Variants in DYM observed in about 807,000 individuals in gnomAD.
DYM encodes dyggve-Melchior-Clausen syndrome protein.
Under a neutral mutation model 93.1 loss-of-function variants are expected in DYM, and 78 were observed. The ratio of observed to expected loss-of-function variants is 0.84; its 90% confidence interval spans 0.70 to 1.01. The LOEUF (loss-of-function observed/expected upper bound fraction) is 1.01. DYM is among the 50% of genes least tolerant of loss of function. The pLI is 0.00. For missense variants in DYM, 789 were observed against 845.0 expected, an observed-to-expected ratio of 0.93 and a Z score of 0.82; for synonymous variants, 321 against 319.7, an observed-to-expected ratio of 1.00 and a Z score of -0.04.
At chr18:49,357,478 A>G (rs2065661100) in intron 6 of DYM, among the ~76,000 whole-genome samples, 1 of 152,184 alleles carries the variant, frequency 6.6e-6, no homozygotes, top group South Asian at 2.1e-4. Context: ...TCAGTGTTTC[A>G]GCTTCCAGTA....
At chr18:49,407,213 G>A (rs550763798) in intron 2 of DYM, among the ~76,000 whole-genome samples, 1 of 152,282 alleles carries the variant, frequency 6.6e-6, no homozygotes, top group South Asian at 2.1e-4. Context: ...AGGAGAGGAT[G>A]GGTGTGGCTA....
intron 16 of DYM, chr18:49,114,716 G>T: frequency 3.3e-6 from 1 of 301,008 alleles, no homozygotes; most frequent in Non-Finnish European, 4.9e-6. Flanking sequence ...GAATTTCTGG[G>T]CTCAAGAGAT....
At chr18:49,335,065 C>T (rs1388637253) in intron 6 of DYM, among the ~76,000 whole-genome samples, 1 of 152,106 alleles carries the variant, frequency 6.6e-6, no homozygotes, top group African/African-American at 2.4e-5. Context: ...CAAGATCGTG[C>T]CATTGCACTC....
intron 11 of DYM, among the ~76,000 whole-genome samples, chr18:49,267,668 T>G (rs1016295005): frequency 6.6e-6 from 1 of 152,136 alleles, no homozygotes; most frequent in Admixed American, 6.6e-5. Flanking sequence ...CCAAGGCGGC[T>G]GGATCACTCG....
intron 16 of DYM, among the ~76,000 whole-genome samples, chr18:49,104,164 C>T (rs1599768606): frequency 6.6e-6 from 1 of 152,086 alleles, no homozygotes; most frequent in East Asian, 1.9e-4. Flanking sequence ...ATTTTATTCT[C>T]TTTGAAGCAA....
chr18:49,149,905 C>T (rs1234313633), intron 15 of DYM, among the ~76,000 whole-genome samples: 1 of 151,996 alleles, frequency 6.6e-6, no homozygotes, highest in African/African-American at 2.4e-5. Context: ...GACGGGGTTT[C>T]ACCGTGTTGG....
intron 6 of DYM, among the ~76,000 whole-genome samples, chr18:49,342,395 TACA>T (rs1379382190): frequency 6.6e-6 from 1 of 151,526 alleles, no homozygotes; most frequent in Non-Finnish European, 1.5e-5. Flanking sequence ...TAAACACATC[TACA>T]ACATCACTTT....
intron 14 of DYM, among the ~76,000 whole-genome samples, chr18:49,193,992 T>C (rs1192388717): frequency 6.6e-6 from 1 of 152,218 alleles, no homozygotes; most frequent in East Asian, 1.9e-4. Context: ...TTTACATCAC[T>C]GTCTATTTAA....
intron 6 of DYM, among the ~76,000 whole-genome samples, chr18:49,335,154 A>G (rs138894911): frequency 6.6e-6 from 1 of 152,256 alleles, no homozygotes; most frequent in African/African-American, 2.4e-5. Flanking sequence ...TAAAAATGAC[A>G]TATAAAAAAA....
intron 14 of DYM, among the ~76,000 whole-genome samples, chr18:49,202,201 C>A (rs2092048795): frequency 6.6e-6 from 1 of 152,222 alleles, no homozygotes; most frequent in African/African-American, 2.4e-5. Flanking sequence ...CAACCCTAGT[C>A]CCTTTCACTC....
intron 17 of DYM, among the ~76,000 whole-genome samples, chr18:49,074,765 G>A (rs1286748866): frequency 6.6e-6 from 1 of 152,170 alleles, no homozygotes; most frequent in East Asian, 1.9e-4. Context: ...CTGAAGAACC[G>A]TTACTTGTAA....
At chr18:49,202,517 C>G (rs573049629) in intron 14 of DYM, among the ~76,000 whole-genome samples, 3 of 133,708 alleles carry the variant, frequency 2.2e-5, no homozygotes, top group Non-Finnish European at 4.8e-5. Context: ...GGAGCGTCTC[C>G]GCCCGGCCGC....
chr18:49,168,676 CA>C (rs1303064588), intron 14 of DYM, among the ~76,000 whole-genome samples: 1 of 152,094 alleles, frequency 6.6e-6, no homozygotes, highest in Non-Finnish European at 1.5e-5. Context: ...TCCCCGCCCC[CA>C]AGGAACTCAA....
Position 49,135,574 on chromosome 18 carries a change from G to T in DYM, c.1729-16648C>A, listed in dbSNP as rs564905790. 1.2e-4 allele frequency among the ~76,000 whole-genome samples: 19 copies of T among 152,274 alleles called. No homozygotes were observed. The South Asian group carries it at 3.7e-3, about 30-fold the overall frequency. The stretch of plus-strand genomic sequence containing the variant: ...GAAATTGTTGCTCTTACTAGTAAAA[G>T]CAATGGTAATAACAAATGTTTCTTA... On this transcript the variant is annotated intron_variant, in intron 15 of 17. Transcript: ENST00000675505.
intron 8 of DYM, among the ~76,000 whole-genome samples, chr18:49,299,815 G>C (rs1021747233): frequency 2.0e-5 from 3 of 151,332 alleles, no homozygotes; most frequent in Admixed American, 6.6e-5. Flanking sequence ...AGGCTGAGGA[G>C]GGCAGGTCAT....
intron 3 of DYM, among the ~76,000 whole-genome samples, chr18:49,380,628 T>A (rs1174228373): frequency 1.3e-5 from 2 of 152,234 alleles, no homozygotes; most frequent in Non-Finnish European, 2.9e-5. Flanking sequence ...GCAACCTCTA[T>A]AATCAAGAAA....
intron 6 of DYM, among the ~76,000 whole-genome samples, chr18:49,350,872 T>C (rs1036868411): frequency 1.3e-5 from 2 of 152,062 alleles, no homozygotes; most frequent in Non-Finnish European, 2.9e-5. Flanking sequence ...CATGCACACA[T>C]ATTACCTATT....
intron 14 of DYM, among the ~76,000 whole-genome samples, chr18:49,198,921 A>G (rs1483260164): frequency 6.6e-6 from 1 of 151,926 alleles, no homozygotes; most frequent in Non-Finnish European, 1.5e-5. Flanking sequence ...ATAAAGACAC[A>G]TGCACACGTA....
chr18:49,146,284 C>G (rs2085126519), intron 15 of DYM, among the ~76,000 whole-genome samples: 1 of 152,168 alleles, frequency 6.6e-6, no homozygotes, highest in African/African-American at 2.4e-5. Context: ...AAAACTGCCA[C>G]AAGACAGGGA....
Sources: gnomAD v4.1 joint callset for allele counts (sites outside exome capture counted in the v4.1 genomes callset) on GRCh38, gnomAD v4.1.1 for gene constraint, MANE v1.5 for transcripts, NCBI Gene and HGNC (gene_info 2026-07-23, HGNC 2026-07-21) for gene names.